Variants in SMIM10L3 observed in about 807,000 individuals in gnomAD.
SMIM10L3 encodes the protein salivary gland specific protein SAGSIN1.
chr7:6,331,291 C>T, the SMIM10L3 span: 1 of 727,472 alleles, frequency 1.4e-6, no homozygotes, highest in East Asian at 2.8e-5. Flanking sequence ...GTCTTAAGAG[C>T]ATCTACACCC....
At chr7:6,340,388 G>T in the SMIM10L3 span, among the ~76,000 whole-genome samples, 1 of 152,128 alleles carries the variant, frequency 6.6e-6, no homozygotes, top group Non-Finnish European at 1.5e-5. Context: ...ACGGAGAAGC[G>T]ACCACTGCAT....
At chr7:6,337,159 C>CT in the SMIM10L3 span, among the ~76,000 whole-genome samples, 1 of 151,928 alleles carries the variant, frequency 6.6e-6, no homozygotes, top group Non-Finnish European at 1.5e-5. Context: ...GCAGCCTCTG[C>CT]TTCCCGCACT....
the SMIM10L3 span, among the ~76,000 whole-genome samples, chr7:6,347,883 T>TTATTATTATTA: frequency 4.0e-4 from 52 of 131,534 alleles, no homozygotes; most frequent in African/African-American, 1.4e-3. Flanking sequence ...ACGAGACCCC[T>TTATTATTATTA]TTATTATTAT....
chr7:6,332,697 C>T, the SMIM10L3 span, among the ~76,000 whole-genome samples: 1 of 151,740 alleles, frequency 6.6e-6, no homozygotes, highest in African/African-American at 2.4e-5. Context: ...CAGACCCTGT[C>T]TCAAAAAATA....
chr7:6,331,382 T>G, the SMIM10L3 span: 1 of 599,340 alleles, frequency 1.7e-6, no homozygotes, highest in East Asian at 2.8e-5. Context: ...AGGCTGGTTT[T>G]GAACTCCTGA....
the SMIM10L3 span, chr7:6,331,025 G>A: frequency 2.0e-5 from 32 of 1,613,968 alleles, no homozygotes; most frequent in Non-Finnish European, 2.6e-5. Flanking sequence ...ATCCAGGAGG[G>A]TGCATCTGCA....
At chr7:6,332,543 C>T in the SMIM10L3 span, among the ~76,000 whole-genome samples, 6 of 152,186 alleles carry the variant, frequency 3.9e-5, no homozygotes, top group Non-Finnish European at 5.9e-5. Flanking sequence ...CTCAGCCAGG[C>T]GTGGTGGCTC....
At chr7:6,334,261 C>A in the SMIM10L3 span, among the ~76,000 whole-genome samples, 1 of 151,218 alleles carries the variant, frequency 6.6e-6, no homozygotes, top group South Asian at 2.1e-4. Context: ...ACTGGCTGGG[C>A]GCAGTGGCTC....
chr7:6,337,468 G>C, the SMIM10L3 span, among the ~76,000 whole-genome samples: 2 of 151,762 alleles, frequency 1.3e-5, 1 homozygote, highest in African/African-American at 4.9e-5. Flanking sequence ...ATGGGACAGT[G>C]CTCAGAAAAA....
At chr7:6,337,783 G>A in the SMIM10L3 span, among the ~76,000 whole-genome samples, 1 of 148,648 alleles carries the variant, frequency 6.7e-6, no homozygotes, top group African/African-American at 2.5e-5. Context: ...TCATCAAAAA[G>A]ATTTCAATAC....
chr7:6,333,581 CTGT>C, the SMIM10L3 span, among the ~76,000 whole-genome samples: 1 of 152,064 alleles, frequency 6.6e-6, no homozygotes, highest in Non-Finnish European at 1.5e-5. Context: ...TCACTGCAGC[CTGT>C]AACTTCTGGG....
chr7:6,330,554 C>T, the SMIM10L3 span: 23 of 1,614,044 alleles, frequency 1.4e-5, no homozygotes, highest in South Asian at 4.4e-5. Flanking sequence ...AGGAGCACTT[C>T]GGGATACACG....
chr7:6,346,515 C>T, the SMIM10L3 span, among the ~76,000 whole-genome samples: 2 of 152,078 alleles, frequency 1.3e-5, no homozygotes, highest in African/African-American at 4.8e-5. Context: ...TACAGGTGCA[C>T]GCCACCACTG....
At chr7:6,333,442 G>A in the SMIM10L3 span, among the ~76,000 whole-genome samples, 2 of 152,088 alleles carry the variant, frequency 1.3e-5, no homozygotes, top group Admixed American at 6.6e-5. Context: ...CACAGAGCAG[G>A]AAAAAGAAAG....
At chr7:6,339,865 G>A in the SMIM10L3 span, among the ~76,000 whole-genome samples, 1 of 151,184 alleles carries the variant, frequency 6.6e-6, no homozygotes, top group South Asian at 2.1e-4. Flanking sequence ...GCAGAGGCCG[G>A]GTGCCAGCTC....
At chr7:6,335,716 A>G in the SMIM10L3 span, among the ~76,000 whole-genome samples, 1 of 152,274 alleles carries the variant, frequency 6.6e-6, no homozygotes, top group Non-Finnish European at 1.5e-5. Flanking sequence ...AATTGTGACC[A>G]TTATTCTATA....
chr7:6,333,818 A>C, the SMIM10L3 span, among the ~76,000 whole-genome samples: 3 of 148,358 alleles, frequency 2.0e-5, no homozygotes, highest in Non-Finnish European at 4.5e-5. Flanking sequence ...TGTTGCCTAG[A>C]ATGGTCTCGA....
At chr7:6,334,217 T>C in the SMIM10L3 span, among the ~76,000 whole-genome samples, 1 of 150,604 alleles carries the variant, frequency 6.6e-6, no homozygotes, top group Non-Finnish European at 1.5e-5. Context: ...TGTGTACCAC[T>C]GTACCCAGCT....
chr7:6,333,899 T>A, the SMIM10L3 span, among the ~76,000 whole-genome samples: 1 of 138,524 alleles, frequency 7.2e-6, no homozygotes. Context: ...CAGGCTGGAG[T>A]GCAGTGGCGC....
Sources: gnomAD v4.1 joint callset for allele counts (sites outside exome capture counted in the v4.1 genomes callset) on GRCh38, gnomAD v4.1.1 for gene constraint, MANE v1.5 for transcripts, NCBI Gene and HGNC (gene_info 2026-07-23, HGNC 2026-07-21) for gene names.